Variants in THSD7B observed in about 807,000 individuals in gnomAD.
The protein encoded by THSD7B is thrombospondin type-1 domain-containing protein 7B.
In THSD7B, 138 loss-of-function variants were observed where a neutral mutation model predicts 213.6. The observed-to-expected ratio is 0.65, with a 90% CI of 0.56 to 0.74. THSD7B has a LOEUF of 0.74. Ranked by LOEUF, THSD7B falls within the 30% of genes least tolerant of loss-of-function variation. The probability of loss-of-function intolerance (pLI) is 0.00; values close to 1 mark genes in which losing one functional copy is unlikely to be tolerated. For synonymous variants in THSD7B, 742 were observed against 687.0 expected, an observed-to-expected ratio of 1.08 and a Z score of -1.25; for missense variants, 1,931 against 1,991.5, an observed-to-expected ratio of 0.97 and a Z score of 0.58.
chr2:137,134,548 G>A (rs866254712), intron 5 of THSD7B, among the ~76,000 whole-genome samples: 2 of 152,126 alleles, frequency 1.3e-5, no homozygotes, highest in Non-Finnish European at 2.9e-5. Context: ...CTCTAGGGGT[G>A]GGGGGCACTG....
intron 17 of THSD7B, among the ~76,000 whole-genome samples, chr2:137,581,638 T>A (rs2105246255): frequency 6.7e-6 from 1 of 149,476 alleles, no homozygotes; most frequent in South Asian, 2.1e-4. Flanking sequence ...ATTATAAAAA[T>A]AAAAAATACT....
chr2:137,659,448 T>C (rs1683301080), intron 24 of THSD7B, among the ~76,000 whole-genome samples: 1 of 152,196 alleles, frequency 6.6e-6, no homozygotes, highest in Non-Finnish European at 1.5e-5. Context: ...GTATAAAAAC[T>C]CTACTGCAAA....
chr2:137,075,081 A>C (rs996588091), intron 3 of THSD7B, among the ~76,000 whole-genome samples: 2 of 152,026 alleles, frequency 1.3e-5, no homozygotes, highest in Non-Finnish European at 2.9e-5. Context: ...TGCTCTTCTC[A>C]AGGAGTATCT....
intron 16 of THSD7B, among the ~76,000 whole-genome samples, chr2:137,571,818 G>GT (rs927353957): frequency 1.1e-3 from 162 of 150,266 alleles, no homozygotes; most frequent in African/African-American, 2.3e-3. Context: ...ATTGCCCTTT[G>GT]TTTTTTTTTG....
intron 2 of THSD7B, among the ~76,000 whole-genome samples, chr2:137,001,843 C>G (rs1686005612): frequency 6.6e-6 from 1 of 152,128 alleles, no homozygotes; most frequent in Non-Finnish European, 1.5e-5. Flanking sequence ...TTCTACTTTT[C>G]TGACTTTTAA....
intron 7 of THSD7B, among the ~76,000 whole-genome samples, chr2:137,195,892 A>G (rs888992644): frequency 1.3e-5 from 2 of 152,150 alleles, no homozygotes; most frequent in African/African-American, 4.8e-5. Flanking sequence ...TTTTTATTAT[A>G]AGAGGTAAAA....
intron 2 of THSD7B, among the ~76,000 whole-genome samples, chr2:137,040,866 T>C (rs1206699993): frequency 6.6e-6 from 1 of 152,168 alleles, no homozygotes; most frequent in African/African-American, 2.4e-5. Context: ...AGTGTAGACT[T>C]CAATTACCCC....
At chr2:137,578,168 G>A (rs535482964) in intron 17 of THSD7B, among the ~76,000 whole-genome samples, 20 of 152,322 alleles carry the variant, frequency 1.3e-4, no homozygotes, top group African/African-American at 4.8e-4. Context: ...TGAAAGGAAC[G>A]AGATTCCAAG....
intron 2 of THSD7B, among the ~76,000 whole-genome samples, chr2:137,005,859 T>C (rs979352483): frequency 6.6e-6 from 1 of 152,198 alleles, no homozygotes; most frequent in Non-Finnish European, 1.5e-5. Context: ...GTTTTGGGTG[T>C]TACTGGATTG....
intron 4 of THSD7B, among the ~76,000 whole-genome samples, chr2:137,097,597 AT>A (rs1052768935): frequency 2.6e-5 from 4 of 152,102 alleles, no homozygotes; most frequent in East Asian, 3.9e-4. Context: ...TGTGCATCAT[AT>A]TTTTTTCAAC....
At chr2:136,970,843 A>G (rs896057822) in intron 2 of THSD7B, among the ~76,000 whole-genome samples, 2 of 152,226 alleles carry the variant, frequency 1.3e-5, no homozygotes, top group Non-Finnish European at 2.9e-5. Context: ...AAGCAATGGG[A>G]ATAAAGATGG....
At chr2:137,522,480 GTTTC>G (rs1165786582) in intron 15 of THSD7B, among the ~76,000 whole-genome samples, 1 of 151,450 alleles carries the variant, frequency 6.6e-6, no homozygotes, top group Non-Finnish European at 1.5e-5. Flanking sequence ...CTTGATGAAT[GTTTC>G]TTGAATGAAT....
chr2:136,807,509 G>GTTTTTTTTTTTTTTTTTTTTTTT (rs777353589), intron 1 of THSD7B, among the ~76,000 whole-genome samples: 2 of 104,896 alleles, frequency 1.9e-5, no homozygotes, highest in African/African-American at 7.4e-5. Flanking sequence ...AAAATGTTTC[G>GTTTTTTTTTTTTTTTTTTTTTTT]TTTTTTTTTT....
intron 1 of THSD7B, among the ~76,000 whole-genome samples, chr2:136,860,231 G>A (rs907280997): frequency 2.6e-5 from 4 of 152,002 alleles, no homozygotes; most frequent in Admixed American, 2.6e-4. Context: ...AAAGGAGACA[G>A]CGATGCGAGT....
At chr2:136,786,310 C>T (rs944402351) in intron 1 of THSD7B, among the ~76,000 whole-genome samples, 1 of 152,134 alleles carries the variant, frequency 6.6e-6, no homozygotes, top group Non-Finnish European at 1.5e-5. Flanking sequence ...AAAGAATATT[C>T]ACATTTCACA....
intron 1 of THSD7B, among the ~76,000 whole-genome samples, chr2:136,876,588 T>A (rs1233403089): frequency 6.6e-6 from 1 of 152,230 alleles, no homozygotes; most frequent in Non-Finnish European, 1.5e-5. Context: ...TCTTTAAATA[T>A]CATGATATAA....
intron 14 of THSD7B, among the ~76,000 whole-genome samples, chr2:137,417,696 C>T (rs1351946497): frequency 1.3e-5 from 2 of 152,110 alleles, no homozygotes; most frequent in African/African-American, 4.8e-5. Context: ...GCCTCTCAAA[C>T]TGCTGGAATT....
rs1682688742 is a variant in THSD7B at position 137,628,967 on chromosome 2, A to G, written c.3799+8241A>G. On this transcript the variant is annotated intron_variant, in intron 20 of 27. Transcript: ENST00000409968. ...ACCATCATCCCCATGACTGCCTCCT[A>G]CGATTTTTATCATGCATGAATTGAA... 2.6e-5 allele frequency among the ~76,000 whole-genome samples: 4 copies of G among 152,050 alleles called. No individual in the cohort carries two copies. The South Asian group carries it at 8.3e-4, about 32-fold the overall frequency.
At chr2:137,126,165 GAA>G (rs1289719683) in intron 5 of THSD7B, among the ~76,000 whole-genome samples, 1 of 152,154 alleles carries the variant, frequency 6.6e-6, no homozygotes, top group Non-Finnish European at 1.5e-5. Flanking sequence ...GGCCCCTAAT[GAA>G]AGAGTCAGCC....
Sources: gnomAD v4.1 joint callset for allele counts (sites outside exome capture counted in the v4.1 genomes callset) on GRCh38, gnomAD v4.1.1 for gene constraint, MANE v1.5 for transcripts, NCBI Gene and HGNC (gene_info 2026-07-23, HGNC 2026-07-21) for gene names.